The following MTA3 variants were observed in gnomAD, a reference collection of about 807,000 sequenced individuals.
MTA3 encodes metastasis-associated protein MTA3.
In MTA3, 34 loss-of-function variants were observed where a neutral mutation model predicts 83.5. That is an observed-to-expected ratio of 0.41 (90% CI 0.31 to 0.54). MTA3 has a LOEUF of 0.54. Among genes scored for constraint, MTA3 ranks in the 20% least tolerant of loss-of-function variants. MTA3 has a pLI of 0.33. For missense variants in MTA3, 761 were observed against 726.4 expected (o/e 1.05, Z -0.55); for synonymous variants, 303 against 252.7 (o/e 1.20, Z -1.89).
chr2:42,714,188 C>G (rs1000971590), intron 14 of MTA3, among the ~76,000 whole-genome samples: 1 of 152,140 alleles, frequency 6.6e-6, no homozygotes, highest in African/African-American at 2.4e-5. Flanking sequence ...CCATTTATCT[C>G]CTTTTCTGTC....
intron 9 of MTA3, among the ~76,000 whole-genome samples, chr2:42,690,449 T>C (rs974232533): frequency 2.0e-5 from 3 of 152,112 alleles, no homozygotes; most frequent in African/African-American, 7.2e-5. Context: ...CTACTTTTGG[T>C]TTTTAGCATT....
chr2:42,557,368 G>A (rs1677448052), intron 2 of MTA3, among the ~76,000 whole-genome samples: 1 of 142,800 alleles, frequency 7.0e-6, no homozygotes, highest in Non-Finnish European at 1.5e-5. Context: ...AGGGGGTGGG[G>A]TAGGGTGGGG....
chr2:42,661,272 G>A (rs769127893), intron 8 of MTA3, among the ~76,000 whole-genome samples: 1 of 152,156 alleles, frequency 6.6e-6, no homozygotes, highest in Non-Finnish European at 1.5e-5. Context: ...GCTGAGGCCA[G>A]TGGATTGCTT....
intron 8 of MTA3, among the ~76,000 whole-genome samples, chr2:42,661,980 C>G (rs1010810541): frequency 8.5e-5 from 13 of 152,050 alleles, no homozygotes; most frequent in African/African-American, 2.9e-4. Context: ...TGTATGTAGT[C>G]TGTGTTTTTA....
intron 2 of MTA3, among the ~76,000 whole-genome samples, chr2:42,550,194 A>T (rs1677049676): frequency 6.6e-6 from 1 of 152,202 alleles, no homozygotes. Context: ...ATTGTTAAGA[A>T]GGAAAAATAA....
chr2:42,674,919 T>C (rs1391009293), intron 8 of MTA3, among the ~76,000 whole-genome samples: 6 of 151,516 alleles, frequency 4.0e-5, no homozygotes, highest in African/African-American at 9.7e-5. Flanking sequence ...TTCTTTCTTT[T>C]TTTTTTAATA....
intron 16 of MTA3, chr2:42,723,277 A>G (rs1399619587): frequency 6.1e-6 from 3 of 493,110 alleles, no homozygotes; most frequent in Non-Finnish European, 1.1e-5. Flanking sequence ...TGGAGATGAA[A>G]TCTGTATTTA....
intron 9 of MTA3, among the ~76,000 whole-genome samples, chr2:42,694,021 G>C (rs1693151846): frequency 6.6e-6 from 1 of 152,158 alleles, no homozygotes; most frequent in Non-Finnish European, 1.5e-5. Flanking sequence ...AGCAGGTTCT[G>C]TTTTGTCCAG....
intron 12 of MTA3, among the ~76,000 whole-genome samples, chr2:42,705,340 T>C (rs1665982648): frequency 6.6e-6 from 1 of 152,232 alleles, no homozygotes; most frequent in Non-Finnish European, 1.5e-5. Flanking sequence ...TTGGATTTTG[T>C]AGTTCATGTA....
chr2:42,601,149 C>T (rs1682524220), intron 3 of MTA3, among the ~76,000 whole-genome samples: 1 of 152,190 alleles, frequency 6.6e-6, no homozygotes, highest in South Asian at 2.1e-4. Context: ...TCACGATCTA[C>T]CCGCCTTGGC....
intron 4 of MTA3, among the ~76,000 whole-genome samples, chr2:42,628,123 C>G (rs1281982892): frequency 6.6e-6 from 1 of 152,120 alleles, no homozygotes; most frequent in Admixed American, 6.6e-5. Flanking sequence ...ACTTTGTGAT[C>G]CACCCGCCTT....
chr2:42,669,833 A>G (rs75296181), intron 8 of MTA3, among the ~76,000 whole-genome samples: 4,455 of 152,324 alleles, frequency 0.029, 86 homozygotes, highest in Non-Finnish European at 0.042. Flanking sequence ...TCACATGAAT[A>G]TAGAAACATC....
At position 42,655,706 on chromosome 2, in the gene MTA3, G is replaced by A. The variant is rs111848532; in HGVS notation, c.500-494G>A. ...CAACCTCTACCTTCCGGGTTCAAGC[G>A]ATTCTCGTGCCTCAACCTCCCGAGT... On this transcript the variant is annotated intron_variant, in intron 6 of 16. Transcript: ENST00000405094. 1.6e-4 allele frequency among the ~76,000 whole-genome samples: 25 copies of A among 152,268 alleles called. 1 individual carries two copies. Among genetic ancestry groups the A allele is most frequent in the African/African-American group, 5.8e-4 (24 of 41,542 alleles).
chr2:42,539,577 CTTTTTTTTTTTTT>C (rs34577240), intron 2 of MTA3, among the ~76,000 whole-genome samples: 1 of 96,652 alleles, frequency 1.0e-5, no homozygotes, highest in African/African-American at 4.0e-5. Flanking sequence ...AATTGTAAAG[CTTTTTTTTTTTTT>C]TTTTTTTTTG....
At chr2:42,594,724 A>ATTTTTTT (rs1290668170) in intron 3 of MTA3, among the ~76,000 whole-genome samples, 7 of 31,256 alleles carry the variant, frequency 2.2e-4, no homozygotes, top group African/African-American at 1.3e-3. Flanking sequence ...ATATATATAT[A>ATTTTTTT]TATATTTTTT....
At chr2:42,594,261 TTTTTA>T (rs1357302702) in intron 3 of MTA3, among the ~76,000 whole-genome samples, 31 of 122,534 alleles carry the variant, frequency 2.5e-4, no homozygotes, top group Admixed American at 5.7e-4. Context: ...TTTTTTTTTT[TTTTTA>T]AAAGACAGTC....
chr2:42,539,064 G>A (rs537550512), intron 2 of MTA3, among the ~76,000 whole-genome samples: 4 of 152,112 alleles, frequency 2.6e-5, no homozygotes, highest in South Asian at 2.1e-4. Flanking sequence ...GTGAGCCACC[G>A]CTCCCGGCCT....
intron 4 of MTA3, among the ~76,000 whole-genome samples, chr2:42,632,272 A>T (rs1389242710): frequency 6.6e-6 from 1 of 151,440 alleles, no homozygotes; most frequent in Non-Finnish European, 1.5e-5. Flanking sequence ...TTGTATTTTT[A>T]GTAGAGACAG....
chr2:42,524,425 C>T (rs367661357), intron 2 of MTA3, among the ~76,000 whole-genome samples: 8 of 149,728 alleles, frequency 5.3e-5, no homozygotes, highest in African/African-American at 1.5e-4. Flanking sequence ...CTCAGCCTCT[C>T]GAGTAGCTGG....
Sources: gnomAD v4.1 joint callset for allele counts (sites outside exome capture counted in the v4.1 genomes callset) on GRCh38, gnomAD v4.1.1 for gene constraint, MANE v1.5 for transcripts, NCBI Gene and HGNC (gene_info 2026-07-23, HGNC 2026-07-21) for gene names.